The following AVPR1B variants were observed in gnomAD, a reference collection of about 807,000 sequenced individuals.
The protein encoded by AVPR1B is arginine vasopressin receptor 1B, also known as vasopressin V1b receptor.
AVPR1B carries 25 observed loss-of-function variants against 27.5 expected under a neutral mutation model. The observed-to-expected ratio is 0.91, with a 90% CI of 0.66 to 1.27. AVPR1B has a LOEUF of 1.27. Among genes scored for constraint, AVPR1B ranks in the 50% most tolerant of loss-of-function variants. The pLI is 0.00. For synonymous variants in AVPR1B, 248 were observed against 240.2 expected (o/e 1.03, Z -0.30); for missense variants, 595 against 556.9 (o/e 1.07, Z -0.69).
At position 206,116,920 on chromosome 1, in the gene AVPR1B, A is replaced by G. The variant is rs1553290649; in HGVS notation, c.-30T>C. On this transcript the variant is annotated 5_prime_UTR_variant, in exon 1 of 2. Transcript: ENST00000367126. ...AAGGTTTGCTGGGAGGGAAGGATGA[A>G]GGGAGGGTGTGGATGCAAGTGGAGA... is the stretch of plus-strand genomic sequence containing the variant. 4 of 1,572,148 alleles carry G rather than the reference A, an allele frequency of 2.5e-6. No individual in the cohort carries two copies. The South Asian group carries it at 4.7e-5, about 18-fold the overall frequency.
At chr1:206,110,581 G>C in intron 1 of AVPR1B, 58 bp from the exon 2 acceptor site, 1 of 1,439,794 alleles carries the variant, frequency 6.9e-7, no homozygotes, top group Non-Finnish European at 9.5e-7. Flanking sequence ...ACCTGGGAGA[G>C]CGTCCAGGCC....
In AVPR1B at chr1:206,116,379, A is replaced by G; in HGVS notation, c.512T>C (p.Ile171Thr). 6.2e-7 allele frequency: 1 copy of G among 1,613,836 alleles called. No individual in the cohort carries two copies. Among genetic ancestry groups the G allele is most frequent in the Non-Finnish European group, 8.5e-7 (1 of 1,180,040 alleles). The stretch of plus-strand genomic sequence containing the variant: ...CTGGATCACCTCCCGCAGGGAAAAA[A>G]TGAAGACTTGAGGGAGGCTGAAGAT... ...AAIFSLPQVF[I>T]FSLREVIQGS... The change falls in exon 1 of 2, where the codon ATT (isoleucine) becomes ACT (threonine). Residue 171 changes from isoleucine to threonine, a missense_variant. Ile to Thr is a moderately conservative substitution (Grantham distance 89). Transcript: ENST00000367126.
At position 206,110,020 on chromosome 1, in the gene AVPR1B, G is replaced by T; in HGVS notation, c.*169C>A. ...CTTATGAGGCAGCCCTCACACTAGG[G>T]GCAGCTGTGACACCAGGGTAGGGGA... On this transcript the variant is annotated 3_prime_UTR_variant, in exon 2 of 2. Coordinates refer to ENST00000367126, the MANE Select transcript of AVPR1B (RefSeq NM_000707.5). The T allele has an allele frequency of 1.4e-6, 1 of 715,808 alleles. No individual in the cohort carries two copies. The highest frequency in any genetic ancestry group is 2.3e-6 in the Non-Finnish European group (1 of 439,772). The allele number at this position is 715,808 out of a possible 1,614,324, so 44.3% of individuals were successfully genotyped here. A position where few individuals can be genotyped will look rare whatever the true frequency, so the allele number is the denominator to read the frequency against.
Position 206,108,011 on chromosome 1 carries a change from C to T in AVPR1B, c.*2178G>A, listed in dbSNP as rs1663306964. On this transcript the variant is annotated 3_prime_UTR_variant, in exon 2 of 2. Transcript: ENST00000367126. ...AAGGGGTGAGATCAAGATGCAAACC[C>T]AGGTCTTTGGGGCACACAGCTGGTG... Among the ~76,000 whole-genome samples the T allele has an allele frequency of 6.6e-6, 1 of 152,140 alleles. No homozygotes were observed. Among genetic ancestry groups the T allele is most frequent in the South Asian group, 2.1e-4 (1 of 4,824 alleles).
chr1:206,116,271 A>T lies in AVPR1B; in HGVS notation c.620T>A (p.Ile207Asn). Residue 207 changes from isoleucine to asparagine, a missense_variant, in exon 1 of 2, where the codon ATC (isoleucine) becomes AAC (asparagine). Transcript: ENST00000367126. ...RAYLTWTTLA[I>N]FVLPVTMLTA... ...GAGCATGGTCACCGGCAGAACGAAG[A>T]TAGCCAGGGTGGTCCAGGTGAGGTA... is the stretch of plus-strand genomic sequence containing the variant. 1 of 1,613,670 alleles carries T rather than the reference A, an allele frequency of 6.2e-7. No homozygotes were observed. The highest frequency in any genetic ancestry group is 1.3e-5 in the African/African-American group (1 of 75,052).
Position 206,117,373 on chromosome 1 carries a change from G to C in AVPR1B, c.-483C>G, listed in dbSNP as rs36061603. 2,223 of 153,822 alleles carry C rather than the reference G, an allele frequency of 0.014. 53 individuals carry two copies. Among genetic ancestry groups the C allele is most frequent in the African/African-American group, 0.05 (2,070 of 41,578 alleles). The allele number at this position is 153,822 out of a possible 1,614,324, so 9.5% of individuals were successfully genotyped here. ...GCCAAGCCCGCTCGCTCTGCCTGGT[G>C]AGCAGCGGCTGGAGCGCAGCGGCGC... On this transcript the variant is annotated 5_prime_UTR_variant, in exon 1 of 2. Transcript: ENST00000367126.
Position 206,107,656 on chromosome 1 carries a change from A to G in AVPR1B, c.*2533T>C, listed in dbSNP as rs1473639828. Among the ~76,000 whole-genome samples, 1 of 152,228 alleles carries G rather than the reference A, an allele frequency of 6.6e-6. No homozygotes were observed. Among genetic ancestry groups the G allele is most frequent in the Non-Finnish European group, 1.5e-5 (1 of 68,042 alleles). On this transcript the variant is annotated 3_prime_UTR_variant, in exon 2 of 2. Coordinates refer to ENST00000367126, the MANE Select transcript of AVPR1B (RefSeq NM_000707.5). ...AGTAAATTATTCTTGTGCAATGCAA[A>G]ACAGAAAATATCATAGTAGTAAGAG... is the stretch of plus-strand genomic sequence containing the variant.
At position 206,110,107 on chromosome 1, in the gene AVPR1B, C is replaced by A; in HGVS notation, c.*82G>T. ...TCCTCTAACTCCAACCCTTACCCTC[C>A]CAGCTCTCATTTCCAGTGCCCGAGG... On this transcript the variant is annotated 3_prime_UTR_variant, in exon 2 of 2. Transcript: ENST00000367126. The A allele has an allele frequency of 5.5e-6, 8 of 1,456,924 alleles. No homozygotes were observed. The highest frequency in any genetic ancestry group is 7.4e-6 in the Non-Finnish European group (8 of 1,083,444). The allele number at this position is 1,456,924 out of a possible 1,614,324, so 90.2% of individuals were successfully genotyped here. A position where few individuals can be genotyped will look rare whatever the true frequency, so the allele number is the denominator to read the frequency against.
rs1470596937 is a variant in AVPR1B, at chr1:206,116,916, A to G, written c.-26T>C. ...GAGCAAGGTTTGCTGGGAGGGAAGG[A>G]TGAAGGGAGGGTGTGGATGCAAGTG... On this transcript the variant is annotated 5_prime_UTR_variant, in exon 1 of 2. Transcript: ENST00000367126. 1 of 1,579,788 alleles carries G rather than the reference A, an allele frequency of 6.3e-7. No homozygotes were observed.
Position 206,108,080 on chromosome 1 carries a change from A to C in AVPR1B, c.*2109T>G. ...CATCATGAAGAACAAAGATTTACCAACTCTAGGCATTAGGGTCAGAAACTG... is the reference window on the plus strand; with the variant it reads ...CATCATGAAGAACAAAGATTTACCACCTCTAGGCATTAGGGTCAGAAACTG... On this transcript the variant is annotated 3_prime_UTR_variant, in exon 2 of 2. Transcript: ENST00000367126. Among the ~76,000 whole-genome samples, 1 of 150,474 alleles carries C rather than the reference A, an allele frequency of 6.6e-6. No individual in the cohort carries two copies. Among genetic ancestry groups the C allele is most frequent in the African/African-American group, 2.5e-5 (1 of 40,668 alleles).
Position 206,108,021 on chromosome 1 carries a change from G to A in AVPR1B, c.*2168C>T, listed in dbSNP as rs1359659192. Among the ~76,000 whole-genome samples, 3 of 152,130 alleles carry A rather than the reference G, an allele frequency of 2.0e-5. No homozygotes were observed. The highest frequency in any genetic ancestry group is 2.1e-4 in the South Asian group (1 of 4,826). ...ATCAAGATGCAAACCCAGGTCTTTG[G>A]GGCACACAGCTGGTGTTCCTTCTAC... is the stretch of plus-strand genomic sequence containing the variant. On this transcript the variant is annotated 3_prime_UTR_variant, in exon 2 of 2. Coordinates refer to ENST00000367126, the MANE Select transcript of AVPR1B (RefSeq NM_000707.5).
In AVPR1B at chr1:206,108,139, C is replaced by G. The variant is rs34693490; in HGVS notation, c.*2050G>C. 6.6e-6 allele frequency among the ~76,000 whole-genome samples: 1 copy of G among 152,106 alleles called. No individual in the cohort carries two copies. The highest frequency in any genetic ancestry group is 2.4e-5 in the African/African-American group (1 of 41,408). ...AGATGGGGCAAGGGGGTGGGGAGGC[C>G]GCTTTTGTAAGCAGGGGAAGGAGCA... On this transcript the variant is annotated 3_prime_UTR_variant, in exon 2 of 2. Coordinates refer to ENST00000367126, the MANE Select transcript of AVPR1B (RefSeq NM_000707.5).
chr1:206,108,875 C>G lies in AVPR1B; in HGVS notation c.*1314G>C, dbSNP rs1429201710. Among the ~76,000 whole-genome samples the G allele has an allele frequency of 6.6e-6, 1 of 152,236 alleles. No individual in the cohort carries two copies. The highest frequency in any genetic ancestry group is 2.4e-5 in the African/African-American group (1 of 41,474). On this transcript the variant is annotated 3_prime_UTR_variant, in exon 2 of 2. Coordinates refer to ENST00000367126, the MANE Select transcript of AVPR1B (RefSeq NM_000707.5). Reference sequence around the variant, plus strand: ...ACCTTGGCCTGCAGCCTCTCCCAGCCTTGGAGGAGGATTCAGCATCCCAGA... The same window carrying G: ...ACCTTGGCCTGCAGCCTCTCCCAGCGTTGGAGGAGGATTCAGCATCCCAGA...
chr1:206,116,098 G>T lies in AVPR1B; in HGVS notation c.793C>A (p.Arg265=). Reference sequence around the variant, plus strand: ...GAGATGGTGTTGATGCTGCTGACCCGAGATGGCAGCCCCCGAGTGGTGGCA... The same window carrying T: ...GAGATGGTGTTGATGCTGCTGACCCTAGATGGCAGCCCCCGAGTGGTGGCA... ...LAATTRGLPS[R]VSSINTISRA... is the part of the protein sequence containing the mutation. The change falls in exon 1 of 2, where the codon CGG becomes AGG. Residue 265 remains arginine (R), a synonymous_variant. Transcript: ENST00000367126. The T allele has an allele frequency of 6.2e-7, 1 of 1,614,248 alleles. No homozygotes were observed. Among genetic ancestry groups the T allele is most frequent in the Non-Finnish European group, 8.5e-7 (1 of 1,180,058 alleles).
intron 1 of AVPR1B, among the ~76,000 whole-genome samples, chr1:206,114,521 A>G (rs1438328048): frequency 2.0e-5 from 3 of 152,114 alleles, no homozygotes; most frequent in African/African-American, 7.2e-5. Context: ...TCCTGAGAAC[A>G]AGTTCACCTC....
At position 206,116,089 on chromosome 1, in the gene AVPR1B, T is replaced by C. The variant is rs782548761; in HGVS notation, c.802A>G (p.Ser268Gly). ...TTRGLPSRVS[S>G]INTISRAKIR... is the part of the protein sequence containing the mutation. ...TTGGCCCGTGAGATGGTGTTGATGC[T>C]GCTGACCCGAGATGGCAGCCCCCGA... The change falls in exon 1 of 2, where the codon AGC (serine) becomes GGC (glycine). Residue 268 changes from serine to glycine, a missense_variant. Transcript: ENST00000367126. 1.9e-6 allele frequency: 3 copies of C among 1,614,244 alleles called. No homozygotes were observed. Among genetic ancestry groups the C allele is most frequent in the Admixed American group, 3.3e-5 (2 of 60,034 alleles).
chr1:206,111,770 G>A (rs986413135), intron 1 of AVPR1B, among the ~76,000 whole-genome samples: 2 of 152,224 alleles, frequency 1.3e-5, no homozygotes, highest in African/African-American at 4.8e-5. Context: ...GACATAGGCC[G>A]AGAACATTTG....
At position 206,109,000 on chromosome 1, in the gene AVPR1B, C is replaced by A. The variant is rs1027507109; in HGVS notation, c.*1189G>T. On this transcript the variant is annotated 3_prime_UTR_variant, in exon 2 of 2. Coordinates refer to ENST00000367126, the MANE Select transcript of AVPR1B (RefSeq NM_000707.5). ...CCATTGTCATAAAAATGCAACAACTCTTCTAGACCCTGTTGGTTATAATAT... is the reference window on the plus strand; with the variant it reads ...CCATTGTCATAAAAATGCAACAACTATTCTAGACCCTGTTGGTTATAATAT... Among the ~76,000 whole-genome samples the A allele has an allele frequency of 6.6e-6, 1 of 152,236 alleles. No individual in the cohort carries two copies. Among genetic ancestry groups the A allele is most frequent in the African/African-American group, 2.4e-5 (1 of 41,466 alleles).
chr1:206,116,919 A>G lies in AVPR1B; in HGVS notation c.-29T>C, dbSNP rs35608965. ...CAAGGTTTGCTGGGAGGGAAGGATG[A>G]AGGGAGGGTGTGGATGCAAGTGGAG... On this transcript the variant is annotated 5_prime_UTR_variant, in exon 1 of 2. Coordinates refer to ENST00000367126, the MANE Select transcript of AVPR1B (RefSeq NM_000707.5). The G allele has an allele frequency of 0.046, 71,896 of 1,574,190 alleles. 2,073 individuals are homozygous for G. The highest frequency in any genetic ancestry group is 0.11 in the Middle Eastern group (638 of 5,878).
Sources: gnomAD v4.1 joint callset for allele counts (sites outside exome capture counted in the v4.1 genomes callset) on GRCh38, gnomAD v4.1.1 for gene constraint, MANE v1.5 for transcripts, NCBI Gene and HGNC (gene_info 2026-07-23, HGNC 2026-07-21) for gene names.